NOX5: variants seen among roughly 807,000 people sequenced by gnomAD.
NOX5 encodes the protein NADPH oxidase, EF-hand calcium binding domain 5.
NOX5 carries 76 observed loss-of-function variants against 85.7 expected under a neutral mutation model. That is an observed-to-expected ratio of 0.89 (90% CI 0.74 to 1.07). The LOEUF (loss-of-function observed/expected upper bound fraction) is 1.07. Ranked by LOEUF, NOX5 falls within the 50% of genes least tolerant of loss-of-function variation. The pLI is 0.00. For missense variants in NOX5, 973 were observed against 999.5 expected (o/e 0.97, Z 0.36); for synonymous variants, 405 against 401.4 (o/e 1.01, Z -0.11).
rs2050467725 is a variant in NOX5 at position 69,033,404 on chromosome 15, T to A, written c.855+127T>A. The A allele has an allele frequency of 6.5e-6, 7 of 1,075,060 alleles. No individual in the cohort carries two copies. In the South Asian group the frequency reaches 9.1e-5, roughly 14 times the overall value. The allele number at this position is 1,075,060 out of a possible 1,614,324, so 66.6% of individuals were successfully genotyped here. ...GCAGGGTGGCACCTTAGAAATCAGCTGGGCCAACGCTCAGAGTTGGAGGAC... is the reference window on the plus strand; with the variant it reads ...GCAGGGTGGCACCTTAGAAATCAGCAGGGCCAACGCTCAGAGTTGGAGGAC... On this transcript the variant is annotated intron_variant, in intron 5 of 15. Coordinates refer to ENST00000388866, the MANE Select transcript of NOX5 (RefSeq NM_024505.4).
chr15:69,031,869 G>C (rs2050439786), intron 4 of NOX5, 57 bp downstream of exon 4: 1 of 1,514,408 alleles, frequency 6.6e-7, no homozygotes, highest in South Asian at 1.3e-5. Flanking sequence ...CTCCTGGTCG[G>C]AAGTGTGGCA....
chr15:69,015,557 G>A (rs1227103530), intron 1 of NOX5, among the ~76,000 whole-genome samples: 1 of 152,100 alleles, frequency 6.6e-6, no homozygotes. Context: ...TGCATGGGTG[G>A]GTCACCCATG....
intron 1 of NOX5, among the ~76,000 whole-genome samples, chr15:69,016,074 C>G (rs1481265563): frequency 6.6e-6 from 1 of 152,212 alleles, no homozygotes; most frequent in Non-Finnish European, 1.5e-5. Flanking sequence ...TTCCTCTTTT[C>G]CAGCTGTGGG....
At chr15:69,039,906 C>T (rs2050572823) in intron 9 of NOX5, among the ~76,000 whole-genome samples, 1 of 152,220 alleles carries the variant, frequency 6.6e-6, no homozygotes, top group African/African-American at 2.4e-5. Flanking sequence ...AGAGGTGCCT[C>T]CAAGTATGAC....
chr15:69,036,916 G>C (rs2140264838), intron 7 of NOX5, 112 bp from the exon 8 acceptor site: 3 of 822,094 alleles, frequency 3.6e-6, no homozygotes, highest in East Asian at 2.5e-5. Flanking sequence ...CCCCGGGAGA[G>C]AGTCAAGGCT....
At position 69,035,450 on chromosome 15, in the gene NOX5, G is replaced by T; in HGVS notation, c.952G>T (p.Gly318Cys). ...DQNIQFHQLMGYVVVGLSLVH... is the reference protein window; with the variant it reads ...DQNIQFHQLMCYVVVGLSLVH... ...GAACATCCAGTTCCACCAGCTTATG[G>T]GCTACGTGGTAGTGGGGCTGTCCCT... The change falls in exon 6 of 16, where the codon GGC becomes TGC. Residue 318 changes from glycine to cysteine, a missense_variant. By Grantham distance (159) the Gly-to-Cys change is radical. Coordinates refer to ENST00000388866, the MANE Select transcript of NOX5 (RefSeq NM_024505.4). The T allele has an allele frequency of 6.2e-7, 1 of 1,614,174 alleles. No individual in the cohort carries two copies. The highest frequency in any genetic ancestry group is 8.5e-7 in the Non-Finnish European group (1 of 1,180,012).
At chr15:69,031,946 C>A in intron 4 of NOX5, 134 bp downstream of exon 4, 1 of 849,042 alleles carries the variant, frequency 1.2e-6, no homozygotes, top group Non-Finnish European at 1.8e-6. Flanking sequence ...TTAGCCCACT[C>A]TTGAGTGTAC....
intron 1 of NOX5, among the ~76,000 whole-genome samples, chr15:69,017,597 T>C (rs2140243256): frequency 6.6e-6 from 1 of 152,328 alleles, no homozygotes; most frequent in South Asian, 2.1e-4. Context: ...CTTACATGTA[T>C]TGATTGATGT....
In NOX5 at chr15:69,056,653, A is replaced by G. The variant is rs918311223; in HGVS notation, c.2255A>G (p.His752Arg). 2.5e-6 allele frequency: 4 copies of G among 1,613,848 alleles called. No individual in the cohort carries two copies. Among genetic ancestry groups the G allele is most frequent in the Admixed American group, 1.7e-5 (1 of 60,022 alleles). Residue 752 changes from histidine (H) to arginine (R), a missense_variant, in exon 16 of 16, where the codon CAT (histidine) becomes CGT (arginine). Coordinates refer to ENST00000388866, the MANE Select transcript of NOX5 (RefSeq NM_024505.4). ...SPALAKVLKG[H>R]CEKFGFRFFQ... ...GCTCTGGCCAAGGTGCTGAAGGGCC[A>G]TTGTGAGAAGTTCGGCTTCAGATTT...
intron 15 of NOX5, 61 bp downstream of exon 15, chr15:69,055,561 C>T (rs1432348416): frequency 7.7e-6 from 12 of 1,568,580 alleles, no homozygotes; most frequent in Admixed American, 1.7e-5. Flanking sequence ...CTCGAGGCAG[C>T]GGTGGGGAGA....
intron 2 of NOX5, among the ~76,000 whole-genome samples, chr15:69,027,973 A>C (rs2050379617): frequency 6.6e-6 from 1 of 152,106 alleles, no homozygotes; most frequent in Non-Finnish European, 1.5e-5. Flanking sequence ...GCAAATTACA[A>C]AGTCCAGTGC....
rs188713102 is a variant in NOX5 at position 69,059,059 on chromosome 15, C to T, written c.*2363C>T. Reference sequence around the variant, plus strand: ...TGAGCCCTGCCCTCAGTCCTTTGCCCTCTCGTAACAGATTTCCACCAGGCT... The same window carrying T: ...TGAGCCCTGCCCTCAGTCCTTTGCCTTCTCGTAACAGATTTCCACCAGGCT... On this transcript the variant is annotated 3_prime_UTR_variant, in exon 16 of 16. Transcript: ENST00000388866. 5 of 152,348 alleles carry T rather than the reference C, an allele frequency of 3.3e-5. No individual in the cohort carries two copies. The East Asian group carries it at 9.6e-4, about 29-fold the overall frequency. The allele number at this position is 152,348 out of a possible 1,614,324, so 9.4% of individuals were successfully genotyped here.
At chr15:69,034,985 C>A (rs2050492349) in intron 5 of NOX5, among the ~76,000 whole-genome samples, 2 of 152,036 alleles carry the variant, frequency 1.3e-5, no homozygotes, top group East Asian at 3.9e-4. Context: ...AGGCTGGTCT[C>A]AAACTCCTAG....
Position 69,058,196 on chromosome 15 carries a change from G to A in NOX5, c.*1500G>A, listed in dbSNP as rs1414886219. On this transcript the variant is annotated 3_prime_UTR_variant, in exon 16 of 16. Transcript: ENST00000388866. ...TGTAGCTGGCACCTTTCTTTTCCATGGGTTGGAAGTCCATGGTTGCAAAGG... is the reference window on the plus strand; with the variant it reads ...TGTAGCTGGCACCTTTCTTTTCCATAGGTTGGAAGTCCATGGTTGCAAAGG... 1 of 152,294 alleles carries A rather than the reference G, an allele frequency of 6.6e-6. No individual in the cohort carries two copies. The highest frequency in any genetic ancestry group is 1.5e-5 in the Non-Finnish European group (1 of 68,102). The allele number at this position is 152,294 out of a possible 1,614,324, so 9.4% of individuals were successfully genotyped here.
intron 4 of NOX5, among the ~76,000 whole-genome samples, chr15:69,032,670 CAA>C (rs2050452928): frequency 6.6e-6 from 1 of 152,190 alleles, no homozygotes; most frequent in Non-Finnish European, 1.5e-5. Flanking sequence ...CTTGGGTTCA[CAA>C]AGTGTTGGGA....
At chr15:69,026,726 G>T in intron 2 of NOX5, 75 bp downstream of exon 2, 2 of 1,596,626 alleles carry the variant, frequency 1.3e-6, no homozygotes, top group Non-Finnish European at 1.7e-6. Context: ...GCCCTTACAG[G>T]GAGGGAAAGG....
At chr15:69,052,514 G>C (rs2050761730) in intron 14 of NOX5, among the ~76,000 whole-genome samples, 1 of 152,178 alleles carries the variant, frequency 6.6e-6, no homozygotes, top group Non-Finnish European at 1.5e-5. Flanking sequence ...CTTTTTAAGA[G>C]AATTGGCATA....
intron 10 of NOX5, 70 bp downstream of exon 10, chr15:69,042,875 T>G: frequency 6.6e-7 from 1 of 1,510,682 alleles, no homozygotes. Context: ...GCCTCCTTCT[T>G]CTCAGTGAGC....
Position 69,047,468 on chromosome 15 carries a change from A to C in NOX5, c.1748A>C (p.His583Pro), listed in dbSNP as rs1595787765. The C allele has an allele frequency of 6.2e-7, 1 of 1,613,908 alleles. No individual in the cohort carries two copies. Among genetic ancestry groups the C allele is most frequent in the African/African-American group, 1.3e-5 (1 of 74,898 alleles). Residue 583 changes from histidine (H) to proline (P), a missense_variant, in exon 12 of 16, where the codon CAT (histidine) becomes CCT (proline). Physicochemically the swap from His to Pro is moderately conservative, Grantham distance 77 (BLOSUM62 -2). Coordinates refer to ENST00000388866, the MANE Select transcript of NOX5 (RefSeq NM_024505.4). ...TPTRRIFASE[H>P]AVLIGAGIGI... ...ACCCGCAGGATCTTTGCCTCTGAGC[A>C]TGCCGTGCTCATCGGGGCAGGCATC...
Sources: allele counts gnomAD v4.1 joint callset (sites outside exome capture counted in the v4.1 genomes callset), GRCh38; gene constraint gnomAD v4.1.1; transcripts MANE v1.5; gene names NCBI Gene and HGNC (gene_info 2026-07-23, HGNC 2026-07-21).